Variants in HTR4 observed in about 807,000 individuals in gnomAD.
HTR4 encodes the protein 5-hydroxytryptamine (serotonin) receptor 4, G protein-coupled.
HTR4 carries 16 observed loss-of-function variants against 36.8 expected under a neutral mutation model. That is an observed-to-expected ratio of 0.43 (90% CI 0.29 to 0.66). The LOEUF (loss-of-function observed/expected upper bound fraction) is 0.66, where lower values mean the gene tolerates loss of function less well. HTR4 is among the 30% of genes least tolerant of loss of function. HTR4 has a pLI of 0.13. For synonymous variants in HTR4, 189 were observed against 185.1 expected (o/e 1.02, Z -0.17); for missense variants, 438 against 490.9 (o/e 0.89, Z 1.02).
chr5:148,638,644 T>C (rs535772473), intron 1 of HTR4, among the ~76,000 whole-genome samples: 2 of 152,206 alleles, frequency 1.3e-5, no homozygotes, highest in East Asian at 1.9e-4. Flanking sequence ...AACCTGCTCT[T>C]CCCCAGTGTT....
chr5:148,627,860 GT>G (rs1201264989), intron 2 of HTR4, among the ~76,000 whole-genome samples: 1 of 152,190 alleles, frequency 6.6e-6, no homozygotes, highest in African/African-American at 2.4e-5. Flanking sequence ...GGTACTAAAA[GT>G]CATAATATGG....
intron 2 of HTR4, among the ~76,000 whole-genome samples, chr5:148,591,857 A>T (rs1245930780): frequency 6.6e-6 from 1 of 152,230 alleles, no homozygotes; most frequent in East Asian, 1.9e-4. Context: ...GAGGGAGTGT[A>T]AATTAGTTTT....
intron 2 of HTR4, among the ~76,000 whole-genome samples, chr5:148,625,869 G>A (rs1398883741): frequency 2.0e-5 from 3 of 151,918 alleles, no homozygotes; most frequent in South Asian, 2.1e-4. Flanking sequence ...GTGAGCCACC[G>A]CGCCTGGCTG....
intron 2 of HTR4, among the ~76,000 whole-genome samples, chr5:148,554,168 C>T (rs1238820109): frequency 2.6e-5 from 4 of 152,200 alleles, no homozygotes; most frequent in East Asian, 1.9e-4. Context: ...CTCTGCCTCC[C>T]GGGTTCAAGT....
downstream of HTR4, among the ~76,000 whole-genome samples, chr5:148,471,904 G>T (rs959823646): frequency 4.6e-5 from 7 of 152,164 alleles, no homozygotes; most frequent in Non-Finnish European, 1.0e-4. Flanking sequence ...TTGTTTCAGT[G>T]TAGTTTACCT....
At chr5:148,647,396 C>T (rs971600705) in intron 1 of HTR4, among the ~76,000 whole-genome samples, 6 of 152,164 alleles carry the variant, frequency 3.9e-5, no homozygotes, top group African/African-American at 1.4e-4. Flanking sequence ...AACTCTACTA[C>T]TTGGAAGGTG....
In HTR4 at chr5:148,509,571, G is replaced by A. The variant is rs78403464; in HGVS notation, c.961C>T (p.Arg321Cys). The A allele has an allele frequency of 3.1e-5, 50 of 1,614,006 alleles. No individual in the cohort carries two copies. In the East Asian group the frequency reaches 4.0e-4, roughly 13 times the overall value. ...CAGCAGAGGATGATGAGGAAGGCACGTCTAAAAGACTTATTCAAGAAGGCG... is the reference window on the plus strand; with the variant it reads ...CAGCAGAGGATGATGAGGAAGGCACATCTAAAAGACTTATTCAAGAAGGCG... ...LYAFLNKSFR[R>C]AFLIILCCDD... The change falls in exon 6 of 7, where the codon CGT becomes TGT. Residue 321 changes from arginine (R) to cysteine (C), a missense_variant. Coordinates refer to ENST00000377888, the MANE Select transcript of HTR4 (RefSeq NM_000870.7).
intron 2 of HTR4, among the ~76,000 whole-genome samples, chr5:148,606,603 G>A (rs1752172806): frequency 1.3e-5 from 2 of 152,174 alleles, no homozygotes; most frequent in Non-Finnish European, 2.9e-5. Flanking sequence ...TATAATATGT[G>A]CTTTGTAAAT....
intron 2 of HTR4, among the ~76,000 whole-genome samples, chr5:148,606,083 T>C (rs1316608406): frequency 6.6e-6 from 1 of 152,050 alleles, no homozygotes; most frequent in Non-Finnish European, 1.5e-5. Context: ...ATATTCAAAA[T>C]ACAAACAGAA....
chr5:148,570,368 C>T (rs773527466), intron 2 of HTR4, among the ~76,000 whole-genome samples: 10 of 152,108 alleles, frequency 6.6e-5, no homozygotes, highest in Non-Finnish European at 1.2e-4. Context: ...AATCCAATAA[C>T]TGCATATACA....
At position 148,506,160 on chromosome 5, in the gene HTR4, T is replaced by G. The variant is rs185168460; in HGVS notation, c.1076+3296A>C. Among the ~76,000 whole-genome samples, 113 of 152,290 alleles carry G rather than the reference T, an allele frequency of 7.4e-4. 2 individuals are homozygous for G. The East Asian group carries it at 0.014, about 19-fold the overall frequency. Reference sequence around the variant, plus strand: ...TACAGTCAGCAAAACAGCATGGTACTGGGACTAAAACAGAGATATAGACTA... The same window carrying G: ...TACAGTCAGCAAAACAGCATGGTACGGGGACTAAAACAGAGATATAGACTA... On this transcript the variant is annotated intron_variant, in intron 6 of 6. Transcript: ENST00000377888.
intron 5 of HTR4, among the ~76,000 whole-genome samples, chr5:148,515,918 C>T (rs1757727867): frequency 6.6e-6 from 1 of 151,360 alleles, no homozygotes; most frequent in Non-Finnish European, 1.5e-5. Context: ...CATTCTCTCT[C>T]TCTGAATTCA....
At chr5:148,533,685 C>T (rs1164181860) in intron 4 of HTR4, among the ~76,000 whole-genome samples, 1 of 152,124 alleles carries the variant, frequency 6.6e-6, no homozygotes, top group African/African-American at 2.4e-5. Flanking sequence ...ACCAACTTTC[C>T]CTGCCTTAAC....
chr5:148,574,024 G>C (rs1760785311), intron 2 of HTR4, among the ~76,000 whole-genome samples: 1 of 152,058 alleles, frequency 6.6e-6, no homozygotes, highest in Non-Finnish European at 1.5e-5. Flanking sequence ...GGTGAATTTT[G>C]CTCATTTAAA....
intron 1 of HTR4, among the ~76,000 whole-genome samples, chr5:148,638,088 A>G (rs551652212): frequency 6.6e-6 from 1 of 152,166 alleles, no homozygotes; most frequent in Non-Finnish European, 1.5e-5. Flanking sequence ...GGGCCCTTGG[A>G]CACCTTGGCC....
intron 6 of HTR4, among the ~76,000 whole-genome samples, chr5:148,484,544 AAGT>A (rs1756059796): frequency 6.6e-6 from 1 of 152,124 alleles, no homozygotes; most frequent in East Asian, 1.9e-4. Context: ...GTCCTAGAAG[AAGT>A]TCATTCGGAC....
At chr5:148,525,202 T>C (rs1022115363) in intron 4 of HTR4, among the ~76,000 whole-genome samples, 2 of 152,222 alleles carry the variant, frequency 1.3e-5, no homozygotes, top group African/African-American at 2.4e-5. Flanking sequence ...CTCCACACTG[T>C]TGGCTTACAA....
chr5:148,619,542 T>C (rs1443436569), intron 2 of HTR4, among the ~76,000 whole-genome samples: 12 of 152,142 alleles, frequency 7.9e-5, no homozygotes, highest in Admixed American at 7.9e-4. Flanking sequence ...ACAGACCAAA[T>C]TTTATGTACA....
At chr5:148,505,472 A>T (rs1367903352) in intron 6 of HTR4, among the ~76,000 whole-genome samples, 4 of 152,228 alleles carry the variant, frequency 2.6e-5, no homozygotes, top group African/African-American at 9.6e-5. Flanking sequence ...CAAGACAGGA[A>T]TGCCCTCTCT....
Sources: gnomAD v4.1 joint callset for allele counts (sites outside exome capture counted in the v4.1 genomes callset) on GRCh38, gnomAD v4.1.1 for gene constraint, MANE v1.5 for transcripts, NCBI Gene and HGNC (gene_info 2026-07-23, HGNC 2026-07-21) for gene names.